CCDC15: variants seen among roughly 807,000 people sequenced by gnomAD.
CCDC15 encodes the protein coiled-coil domain-containing protein 15.
A neutral mutation model predicts 114.5 loss-of-function variants in CCDC15; 105 were observed. The ratio of observed to expected loss-of-function variants is 0.92; its 90% CI spans 0.78 to 1.08. The LOEUF is 1.08. CCDC15 is among the 50% of genes least tolerant of loss of function. CCDC15 has a pLI of 0.00. For synonymous variants in CCDC15, 334 were observed against 377.8 expected (o/e 0.88, Z 1.34); for missense variants, 1,105 against 1,093.6 (o/e 1.01, Z -0.15).
At chr11:124,994,315 G>T (rs918593107) in intron 11 of CCDC15, among the ~76,000 whole-genome samples, 6 of 152,120 alleles carry the variant, frequency 3.9e-5, no homozygotes, top group African/African-American at 1.4e-4. Context: ...ATTTGGACAA[G>T]ATTATAGGTA....
chr11:124,983,677 G>C (rs1003252810), intron 6 of CCDC15, among the ~76,000 whole-genome samples: 3 of 152,166 alleles, frequency 2.0e-5, no homozygotes, highest in African/African-American at 7.2e-5. Context: ...TTCCCAGGCT[G>C]CTGGTCACAA....
intron 5 of CCDC15, among the ~76,000 whole-genome samples, chr11:124,976,248 ATTTTGTATTTTT>A (rs745933744): frequency 6.7e-6 from 1 of 149,652 alleles, no homozygotes; most frequent in Admixed American, 6.7e-5. Context: ...TAGATATATA[ATTTTGTATTTTT>A]TTCCATATCT....
At chr11:124,978,079 C>T (rs1295942970) in intron 6 of CCDC15, among the ~76,000 whole-genome samples, 1 of 152,098 alleles carries the variant, frequency 6.6e-6, no homozygotes, top group African/African-American at 2.4e-5. Context: ...ATGTTTAGCT[C>T]CCGCTTGTAA....
At chr11:125,024,674 G>A (rs1199093352) in intron 13 of CCDC15, among the ~76,000 whole-genome samples, 3 of 151,874 alleles carry the variant, frequency 2.0e-5, no homozygotes, top group Admixed American at 1.3e-4. Context: ...ACCTTGCTAC[G>A]GACTCACTGA....
rs778684825 is a variant in CCDC15, at chr11:125,038,924, T to C, written c.2589T>C (p.Tyr863=). The C allele has an allele frequency of 1.9e-6, 3 of 1,613,020 alleles. No individual in the cohort carries two copies. Among genetic ancestry groups the C allele is most frequent in the South Asian group, 1.1e-5 (1 of 90,922 alleles). ...KQQREKEYLR[Y]VEALRAQIQE... ...TGATTATACTTTATTTGTACAGATATGTAGAAGCTTTACGAGCCCAAATCC... is the reference window on the plus strand; with the variant it reads ...TGATTATACTTTATTTGTACAGATACGTAGAAGCTTTACGAGCCCAAATCC... Residue 863 remains tyrosine (Y), a synonymous_variant, in exon 15 of 16, where the codon TAT becomes TAC. Transcript: ENST00000344762.
At position 124,987,194 on chromosome 11, in the gene CCDC15, A is replaced by C; in HGVS notation, c.968A>C (p.Glu323Ala). 1 of 1,524,974 alleles carries C rather than the reference A, an allele frequency of 6.6e-7. No individual in the cohort carries two copies. Among genetic ancestry groups the C allele is most frequent in the Middle Eastern group, 1.8e-4 (1 of 5,636 alleles). 94.5% of individuals were successfully genotyped at this position (1,524,974 alleles called of 1,614,324 possible). The change falls in exon 8 of 16, where the codon GAG becomes GCG. Residue 323 changes from glutamate (E) to alanine (A), a missense_variant. Transcript: ENST00000344762. ...GAAGAACAAAAGCAGTTACATTTTG[A>C]GGGCCTTCAGGATATTCTGCCAGAA... ...EEEEQKQLHF[E>A]GLQDILPEAQ...
chr11:125,007,930 G>A (rs1591606719), intron 13 of CCDC15, among the ~76,000 whole-genome samples: 3 of 152,198 alleles, frequency 2.0e-5, no homozygotes, highest in Non-Finnish European at 4.4e-5. Context: ...AACAGTGGGT[G>A]TGGCATGTAG....
chr11:125,028,194 G>A (rs559756241), intron 13 of CCDC15, among the ~76,000 whole-genome samples: 228 of 152,300 alleles, frequency 1.5e-3, no homozygotes, highest in Non-Finnish European at 2.0e-3. Context: ...TGGATAATGT[G>A]ATGCCTCCAG....
intron 4 of CCDC15, among the ~76,000 whole-genome samples, chr11:124,962,228 T>TA (rs539838945): frequency 9.2e-5 from 14 of 152,316 alleles, no homozygotes; most frequent in African/African-American, 2.2e-4. Context: ...CGAACTCCCT[T>TA]AGTTTATCTA....
chr11:125,023,891 A>G (rs1948678055), intron 13 of CCDC15, among the ~76,000 whole-genome samples: 1 of 152,096 alleles, frequency 6.6e-6, no homozygotes, highest in African/African-American at 2.4e-5. Context: ...CACATATTGC[A>G]TGATCTCATT....
In CCDC15 at chr11:124,954,823, G is replaced by A. The variant is rs768249809; in HGVS notation, c.91G>A (p.Val31Met). Reference protein sequence around the residue: ...NPLKSKDVLAVLAERNEAIVP... With the variant: ...NPLKSKDVLAMLAERNEAIVP... ...CCTGAAGAGCAAGGACGTGTTGGCA[G>A]TGCTGGCTGAGAGGAACGAGGCTAT... The change falls in exon 2 of 16, where the codon GTG (valine) becomes ATG (methionine). Residue 31 changes from valine (V) to methionine (M), a missense_variant. Transcript: ENST00000344762. 7 of 1,614,062 alleles carry A rather than the reference G, an allele frequency of 4.3e-6. No individual in the cohort carries two copies. The East Asian group carries it at 8.9e-5, about 21-fold the overall frequency.
At chr11:125,010,061 A>G (rs542789951) in intron 13 of CCDC15, among the ~76,000 whole-genome samples, 125 of 152,118 alleles carry the variant, frequency 8.2e-4, no homozygotes, top group Non-Finnish European at 1.6e-3. Flanking sequence ...AAAATCTCCA[A>G]ACCGCTTTCC....
rs536921517 is a variant in CCDC15 at position 124,989,774 on chromosome 11, TC to T, written c.1908+1641del. On this transcript the variant is annotated intron_variant, in intron 8 of 15. Transcript: ENST00000344762. ...CCAACCTCTGCTAACTTCCAACTTTTCTTCTGTAGTTTTTTCACTTCTCTCA... is the reference window on the plus strand; with the variant it reads ...CCAACCTCTGCTAACTTCCAACTTTTTTCTGTAGTTTTTTCACTTCTCTCA... 6.4e-4 allele frequency among the ~76,000 whole-genome samples: 97 copies of T among 152,258 alleles called. No individual in the cohort carries two copies. In the South Asian group the frequency reaches 0.019, roughly 30 times the overall value.
intron 15 of CCDC15, among the ~76,000 whole-genome samples, chr11:125,040,329 G>C (rs1397746680): frequency 6.6e-6 from 1 of 152,138 alleles, no homozygotes; most frequent in Non-Finnish European, 1.5e-5. Context: ...GAGCCACTGT[G>C]CCTGGCCTAT....
intron 13 of CCDC15, among the ~76,000 whole-genome samples, chr11:125,015,133 C>G (rs1948619987): frequency 6.6e-6 from 1 of 151,972 alleles, no homozygotes; most frequent in Admixed American, 6.6e-5. Context: ...AATGTCAGAG[C>G]CTTGATTACA....
chr11:124,963,542 C>G (rs1237120629), intron 4 of CCDC15, among the ~76,000 whole-genome samples: 3 of 152,092 alleles, frequency 2.0e-5, no homozygotes, highest in African/African-American at 4.8e-5. Context: ...CTGGATATTA[C>G]CCCTTTGTCA....
chr11:125,012,772 AC>A (rs1948602736), intron 13 of CCDC15, among the ~76,000 whole-genome samples: 1 of 152,216 alleles, frequency 6.6e-6, no homozygotes, highest in Admixed American at 6.5e-5. Flanking sequence ...CTAGTTTAGT[AC>A]TTTTCAACAA....
chr11:125,029,086 C>G (rs1948722419), intron 13 of CCDC15, among the ~76,000 whole-genome samples: 2 of 152,128 alleles, frequency 1.3e-5, no homozygotes, highest in South Asian at 4.1e-4. Context: ...CTAGGCCGGT[C>G]TTTCTTTTTA....
intron 8 of CCDC15, among the ~76,000 whole-genome samples, chr11:124,988,933 C>T (rs7112607): frequency 0.14 from 21,820 of 152,152 alleles, 1,729 homozygotes; most frequent in Non-Finnish European, 0.16. Context: ...TTGAATGCCT[C>T]AAAGTCCATG....
Sources: gnomAD v4.1 joint callset for allele counts (sites outside exome capture counted in the v4.1 genomes callset) on GRCh38, gnomAD v4.1.1 for gene constraint, MANE v1.5 for transcripts, NCBI Gene and HGNC (gene_info 2026-07-23, HGNC 2026-07-21) for gene names.